ADAMTSL5: variants seen among roughly 807,000 people sequenced by gnomAD.
ADAMTSL5 encodes the protein ADAMTS like 5.
A neutral mutation model predicts 51.7 loss-of-function variants in ADAMTSL5; 53 were observed. The ratio of observed to expected loss-of-function variants is 1.03; its 90% CI spans 0.82 to 1.29. The LOEUF is 1.29. Among genes scored for constraint, ADAMTSL5 ranks in the 50% most tolerant of loss-of-function variants. ADAMTSL5 has a pLI of 0.00. For synonymous variants in ADAMTSL5, 285 were observed against 278.7 expected (o/e 1.02, Z -0.23); for missense variants, 770 against 676.2 (o/e 1.14, Z -1.54).
chr19:1,506,585 C>T lies in ADAMTSL5; in HGVS notation c.1114+5G>A, dbSNP rs1412942018. The T allele has an allele frequency of 6.2e-7, 1 of 1,611,008 alleles. No homozygotes were observed. The highest frequency in any genetic ancestry group is 1.7e-5 in the Admixed American group (1 of 59,542). ...CTAAGTCAGGGTAGAGGTCGGGGGT[C>T]TCACCAAAGTCACTGCCGCAATAGT... On this transcript the variant is annotated splice_donor_5th_base_variant and intron_variant, in intron 11 of 11. Coordinates refer to ENST00000330475, the MANE Select transcript of ADAMTSL5 (RefSeq NM_213604.3). The surrounding 1 kb of genome is among the most constrained non-coding windows in gnomAD (Gnocchi z 5.6).
chr19:1,505,750 T>G lies in ADAMTSL5; in HGVS notation c.*265A>C, dbSNP rs1254482520. The G allele has an allele frequency of 2.3e-6, 1 of 435,456 alleles. No homozygotes were observed. The highest frequency in any genetic ancestry group is 4.0e-5 in the Admixed American group (1 of 25,292). 27.0% of individuals were successfully genotyped at this position (435,456 alleles called of 1,614,324 possible). A position where few individuals can be genotyped will look rare whatever the true frequency, so the allele number is the denominator to read the frequency against. On this transcript the variant is annotated 3_prime_UTR_variant, in exon 12 of 12. Transcript: ENST00000330475. ...TAAACTTTCTGAGTATAAATAGCTATGAGCTTCCTGGCAGCCAAGGAGAGA... is the reference window on the plus strand; with the variant it reads ...TAAACTTTCTGAGTATAAATAGCTAGGAGCTTCCTGGCAGCCAAGGAGAGA...
At position 1,505,816 on chromosome 19, in the gene ADAMTSL5, A is replaced by G; in HGVS notation, c.*199T>C. On this transcript the variant is annotated 3_prime_UTR_variant, in exon 12 of 12. Coordinates refer to ENST00000330475, the MANE Select transcript of ADAMTSL5 (RefSeq NM_213604.3). ...AGAGTCTCCTTAGTGCCTCCTCACC[A>G]GTGCCTGCCGGCTTGTGACAGTGGC... 1.6e-6 allele frequency: 1 copy of G among 619,734 alleles called. No homozygotes were observed. Among genetic ancestry groups the G allele is most frequent in the Non-Finnish European group, 2.6e-6 (1 of 389,646 alleles). The allele number at this position is 619,734 out of a possible 1,614,324, so 38.4% of individuals were successfully genotyped here. A position where few individuals can be genotyped will look rare whatever the true frequency, so the allele number is the denominator to read the frequency against.
chr19:1,510,410 CG>C lies in ADAMTSL5; in HGVS notation c.209del (p.Pro70ArgfsTer140), dbSNP rs1913197599. 1.9e-6 allele frequency: 3 copies of C among 1,611,910 alleles called. No individual in the cohort carries two copies. Among genetic ancestry groups the C allele is most frequent in the Non-Finnish European group, 2.5e-6 (3 of 1,179,694 alleles). On this transcript the variant is annotated frameshift_variant, in exon 4 of 12. Transcript: ENST00000330475. LOFTEE classifies it high-confidence loss of function. ...GGTACTCATGGGAGTCTCCCCAGCA[CG>C]GTTCTTCCCCAGGAAGCCTGAAGGG... Reference protein sequence around the residue: ...RRCLRLPGEEPCWGDSHEYRL... With the variant: ...RRCLRLPGEEXCWGDSHEYRL...
rs1208715265 is a variant in ADAMTSL5 at position 1,506,847 on chromosome 19, C to G, written c.934G>C (p.Val312Leu). The change falls in exon 10 of 12, where the codon GTG becomes CTG. Residue 312 changes from valine (V) to leucine (L), a missense_variant. Transcript: ENST00000330475. The surrounding 1 kb of genome is among the most constrained non-coding windows in gnomAD (Gnocchi z 5.6). ...RERYSPFQAR[V>L]QALGWPLRQP... ...CTCAGGGGCCAGCCCAGGGCCTGCA[C>G]ACGAGCCTGGAAGGGGCTGTAGCGC... The G allele has an allele frequency of 3.2e-6, 5 of 1,543,472 alleles. No individual in the cohort carries two copies. Among genetic ancestry groups the G allele is most frequent in the African/African-American group, 1.4e-5 (1 of 72,546 alleles).
At chr19:1,512,617 T>C (rs1913319626) in intron 1 of ADAMTSL5, among the ~76,000 whole-genome samples, 2 of 151,682 alleles carry the variant, frequency 1.3e-5, no homozygotes, top group Non-Finnish European at 2.9e-5. Context: ...GAGGCGGAGG[T>C]TGCAGTGAGC....
At chr19:1,509,254 CA>C (rs753778097) in intron 5 of ADAMTSL5, among the ~76,000 whole-genome samples, 34 of 49,548 alleles carry the variant, frequency 6.9e-4, no homozygotes, top group East Asian at 2.4e-3. Flanking sequence ...GACTCCATCT[CA>C]AAAAAAAAAA....
chr19:1,508,147 G>T, intron 6 of ADAMTSL5, 38 bp from the exon 7 acceptor site: 1 of 1,562,968 alleles, frequency 6.4e-7, no homozygotes, highest in East Asian at 2.3e-5. Flanking sequence ...CACTGACGCT[G>T]GGAGGGGCAG....
Position 1,506,060 on chromosome 19 carries a change from C to A in ADAMTSL5, c.1371G>T (p.Ala457=). ...CAGTCAGGCGTATGCGGCTGTCCTC[C>A]GCAGGGCTCCAGGGCCGGGCGTAGC... ...HAGYARPWSP[A]EDSRIRLTAR... is the part of the protein sequence containing the mutation. The change falls in exon 12 of 12, where the codon GCG becomes GCT. Residue 457 remains alanine (A), a synonymous_variant. Transcript: ENST00000330475. The surrounding 1 kb of genome is among the most constrained non-coding windows in gnomAD (Gnocchi z 5.6). 6.3e-7 allele frequency: 1 copy of A among 1,592,774 alleles called. No individual in the cohort carries two copies. Among genetic ancestry groups the A allele is most frequent in the African/African-American group, 1.3e-5 (1 of 74,874 alleles).
At chr19:1,511,673 T>C in intron 1 of ADAMTSL5, 1 of 1,022,422 alleles carries the variant, frequency 9.8e-7, no homozygotes, top group Non-Finnish European at 1.3e-6. Context: ...AGGCCTCAGT[T>C]TCCCCATCTG....
intron 7 of ADAMTSL5, among the ~76,000 whole-genome samples, 159 bp downstream of exon 7, chr19:1,507,838 TG>T (rs1913030734): frequency 6.6e-6 from 1 of 152,004 alleles, no homozygotes; most frequent in South Asian, 2.1e-4. Flanking sequence ...CCATCTGTCC[TG>T]GGGAAGGGCG....
In ADAMTSL5 at chr19:1,506,840, G is replaced by C; in HGVS notation, c.941C>G (p.Ala314Gly). ...RYSPFQARVQ[A>G]LGWPLRQPQP... Reference sequence around the variant, plus strand: ...AGGCTGCCTCAGGGGCCAGCCCAGGGCCTGCACACGAGCCTGGAAGGGGCT... The same window carrying C: ...AGGCTGCCTCAGGGGCCAGCCCAGGCCCTGCACACGAGCCTGGAAGGGGCT... The change falls in exon 10 of 12, where the codon GCC becomes GGC. Residue 314 changes from alanine (A) to glycine (G), a missense_variant. Transcript: ENST00000330475. This position sits in a 1 kb window ranked among gnomAD's most constrained non-coding sequence, Gnocchi z 5.6. 2 of 1,542,804 alleles carry C rather than the reference G, an allele frequency of 1.3e-6. No homozygotes were observed. Among genetic ancestry groups the C allele is most frequent in the Non-Finnish European group, 1.7e-6 (2 of 1,144,626 alleles).
chr19:1,509,669 G>GGGAAGGAAA (rs1913155517), intron 5 of ADAMTSL5, among the ~76,000 whole-genome samples: 1 of 121,090 alleles, frequency 8.3e-6, no homozygotes, highest in Non-Finnish European at 1.8e-5. Flanking sequence ...AAGGGAGAAA[G>GGGAAGGAAA]GGAAGGAAGG....
chr19:1,511,908 G>A (rs1367220626), intron 1 of ADAMTSL5: 1 of 228,470 alleles, frequency 4.4e-6, no homozygotes, highest in South Asian at 4.7e-5. Context: ...TGGCCTCATC[G>A]GCGGAGGGGG....
chr19:1,508,316 G>A (rs185247092), intron 6 of ADAMTSL5, 127 bp downstream of exon 6: 38 of 1,299,354 alleles, frequency 2.9e-5, no homozygotes, highest in Middle Eastern at 5.5e-4. Context: ...TGGAAGGGGA[G>A]GGGGAAGGCG....
Position 1,510,658 on chromosome 19 carries a change from GC to G in ADAMTSL5, c.171del (p.Arg58AlafsTer152). 6.5e-7 allele frequency: 1 copy of G among 1,539,424 alleles called. No homozygotes were observed. Among genetic ancestry groups the G allele is most frequent in the South Asian group, 1.2e-5 (1 of 83,258 alleles). On this transcript the variant is annotated frameshift_variant, in exon 3 of 12. Transcript: ENST00000330475. LOFTEE classifies it high-confidence loss of function. ...GCTCACCGGAGGCAGCGCCGGCTGC[GC>G]ACAGAGACGCCACGCCCGCAGGAGC... ...CSSSCGRGVS[V>X]RSRRCLRLPG...
At chr19:1,509,254 C>CAAA (rs753778097) in intron 5 of ADAMTSL5, among the ~76,000 whole-genome samples, 1,012 of 48,936 alleles carry the variant, frequency 0.021, 85 homozygotes, top group African/African-American at 0.069. Flanking sequence ...GACTCCATCT[C>CAAA]AAAAAAAAAA....
chr19:1,508,658 G>T (rs549820548), intron 5 of ADAMTSL5, 88 bp from the exon 6 acceptor site: 22 of 1,424,024 alleles, frequency 1.5e-5, no homozygotes, highest in Non-Finnish European at 2.0e-5. Context: ...CCATCACTTT[G>T]GGCAGATGAA....
In ADAMTSL5 at chr19:1,507,422, A is replaced by T; in HGVS notation, c.689-17T>A. Reference sequence around the variant, plus strand: ...CCATCAGTGCTGCAAGGGAACAGTCAGCCCTCAGGAACCTGTCGTCTCGTC... The same window carrying T: ...CCATCAGTGCTGCAAGGGAACAGTCTGCCCTCAGGAACCTGTCGTCTCGTC... On this transcript the variant is annotated splice_polypyrimidine_tract_variant and intron_variant, in intron 8 of 11. Transcript: ENST00000330475. 6.3e-7 allele frequency: 1 copy of T among 1,585,776 alleles called. No individual in the cohort carries two copies.
intron 5 of ADAMTSL5, among the ~76,000 whole-genome samples, chr19:1,509,476 CCTT>C (rs1200079177): frequency 6.6e-6 from 1 of 152,104 alleles, no homozygotes; most frequent in Non-Finnish European, 1.5e-5. Context: ...CTCCACTCCT[CCTT>C]CTCCAGCTCC....
Sources: gnomAD v4.1 joint callset for allele counts (sites outside exome capture counted in the v4.1 genomes callset) on GRCh38, gnomAD v4.1.1 for gene constraint, Gnocchi (gnomAD v3.1) non-coding constraint, MANE v1.5 for transcripts, NCBI Gene and HGNC (gene_info 2026-07-23, HGNC 2026-07-21) for gene names.